Variants in CLCN5 observed in about 807,000 individuals in gnomAD.
CLCN5 encodes Cl-/H+ antiporter 5.
A neutral mutation model predicts 54.0 loss-of-function variants in CLCN5; 17 were observed. The ratio of observed to expected loss-of-function variants is 0.31; its 90% confidence interval spans 0.22 to 0.47. The LOEUF (loss-of-function observed/expected upper bound fraction) is 0.47, where lower values mean the gene tolerates loss of function less well. Among genes scored for constraint, CLCN5 ranks in the 20% least tolerant of loss-of-function variants. The pLI is 1.00. For missense variants in CLCN5, 448 were observed against 646.7 expected (o/e 0.69, Z 3.33); for synonymous variants, 222 against 233.0 (o/e 0.95, Z 0.43).
chrX:50,084,541 C>A (rs1278438571), intron 9 of CLCN5, among the ~76,000 whole-genome samples: 2 of 110,331 alleles, frequency 1.8e-5, no homozygotes, highest in African/African-American at 6.6e-5. Context: ...GCCATTATAC[C>A]CAGCTGATTT....
rs1467086733 is a variant in CLCN5 at position 49,938,499 on chromosome X, T to C, written c.16+13185T>C. On this transcript the variant is annotated intron_variant, in intron 3 of 14. Coordinates refer to ENST00000376091, the MANE Select transcript of CLCN5 (RefSeq NM_001127898.4). ...AAATAATGCCGCATATCTACAACCA[T>C]CTGATCTTTGACAAACCTGACGAAA... Among the ~76,000 whole-genome samples, 18 of 111,578 alleles carry C rather than the reference T, an allele frequency of 1.6e-4. No homozygotes were observed. In the Admixed American group the frequency reaches 1.7e-3, roughly 11 times the overall value.
chrX:49,971,959 G>C (rs1348642824), intron 3 of CLCN5, among the ~76,000 whole-genome samples: 1 of 111,453 alleles, frequency 9.0e-6, no homozygotes. Context: ...CAATTATTAG[G>C]ACTAATTTTT....
At chrX:50,011,208 T>C (rs1331276977) in intron 3 of CLCN5, among the ~76,000 whole-genome samples, 1 of 111,353 alleles carries the variant, frequency 9.0e-6, no homozygotes, top group Non-Finnish European at 1.9e-5. Flanking sequence ...AGAAGCCTTG[T>C]CTACACTTAA....
chrX:50,041,119 C>T (rs532653389), intron 3 of CLCN5, among the ~76,000 whole-genome samples: 1 of 112,186 alleles, frequency 8.9e-6, no homozygotes, highest in Middle Eastern at 4.6e-3. Flanking sequence ...CTCCTTTTTG[C>T]TGAATATTTA....
intron 3 of CLCN5, 132 bp from the exon 4 acceptor site, chrX:50,042,184 G>A (rs782617769): frequency 3.5e-5 from 11 of 316,940 alleles, no homozygotes; most frequent in African/African-American, 1.9e-4. Flanking sequence ...ATGGATAGTC[G>A]TGATAGTTGC....
chrX:49,996,721 A>G (rs1342938174), intron 3 of CLCN5, among the ~76,000 whole-genome samples: 5 of 112,391 alleles, frequency 4.4e-5, no homozygotes, highest in Admixed American at 2.8e-4. Context: ...TAAGAGGAAC[A>G]ACATTGGTGG....
intron 3 of CLCN5, among the ~76,000 whole-genome samples, chrX:50,040,924 AAACAAC>A (rs781991938): frequency 1.9e-4 from 21 of 112,125 alleles, no homozygotes; most frequent in Non-Finnish European, 3.4e-4. Context: ...TTAACTTTAA[AAACAAC>A]AACAACAACA....
At chrX:50,092,078 A>G in intron 14 of CLCN5, 51 bp from the exon 15 acceptor site, 2 of 966,038 alleles carry the variant, frequency 2.1e-6, no homozygotes, top group Non-Finnish European at 3.0e-6. Context: ...TGGGAATGCT[A>G]TTTTAACTAC....
At chrX:50,047,879 A>G (rs1330677537) in intron 4 of CLCN5, among the ~76,000 whole-genome samples, 1 of 112,134 alleles carries the variant, frequency 8.9e-6, no homozygotes, top group Non-Finnish European at 1.9e-5. Context: ...AGGAGCACAT[A>G]CTATCAATAT....
intron 12 of CLCN5, among the ~76,000 whole-genome samples, chrX:50,089,401 T>G (rs1215452128): frequency 8.9e-6 from 1 of 112,611 alleles, no homozygotes; most frequent in African/African-American, 3.2e-5. Flanking sequence ...GTGAGTTCAC[T>G]CATTTAAAAA....
intron 3 of CLCN5, among the ~76,000 whole-genome samples, chrX:49,952,755 A>G (rs1278878455): frequency 8.9e-6 from 1 of 112,355 alleles, no homozygotes; most frequent in Non-Finnish European, 1.9e-5. Flanking sequence ...ATGTTATTGT[A>G]ATATGTATTT....
intron 3 of CLCN5, among the ~76,000 whole-genome samples, chrX:49,928,534 G>A (rs1212690998): frequency 8.9e-6 from 1 of 111,798 alleles, no homozygotes; most frequent in Non-Finnish European, 1.9e-5. Context: ...CTGGGACCTT[G>A]TTCTGTGGAG....
At chrX:49,973,573 C>T (rs782653093) in intron 3 of CLCN5, among the ~76,000 whole-genome samples, 8 of 105,370 alleles carry the variant, frequency 7.6e-5, no homozygotes, top group South Asian at 4.6e-4. Flanking sequence ...ATATAATTCA[C>T]GTATTATACA....
At chrX:49,950,480 T>G (rs2147288024) in intron 3 of CLCN5, among the ~76,000 whole-genome samples, 1 of 111,513 alleles carries the variant, frequency 9.0e-6, no homozygotes, top group Non-Finnish European at 1.9e-5. Context: ...TATAGTTCTA[T>G]AAGGTAAATA....
chrX:49,953,391 G>A (rs1404109623), intron 3 of CLCN5, among the ~76,000 whole-genome samples: 3 of 111,381 alleles, frequency 2.7e-5, no homozygotes, highest in African/African-American at 9.8e-5. Flanking sequence ...TTGCAATCTT[G>A]ACCACCTGGG....
At chrX:50,082,641 A>G (rs781836680) in intron 9 of CLCN5, among the ~76,000 whole-genome samples, 183 of 111,665 alleles carry the variant, frequency 1.6e-3, no homozygotes, top group Non-Finnish European at 2.9e-3. Flanking sequence ...ATGTTTATCT[A>G]TGGTGAGTGG....
intron 3 of CLCN5, among the ~76,000 whole-genome samples, chrX:50,014,276 C>G (rs1481464420): frequency 9.0e-6 from 1 of 111,515 alleles, no homozygotes; most frequent in African/African-American, 3.3e-5. Context: ...TTCCTCCTCC[C>G]TCTCCTTCCC....
chrX:50,080,209 C>T (rs782725049), intron 7 of CLCN5, among the ~76,000 whole-genome samples: 1 of 111,352 alleles, frequency 9.0e-6, no homozygotes, highest in African/African-American at 3.3e-5. Context: ...CAAGGTTCAG[C>T]CATTCCAAAA....
At chrX:50,066,164 A>T (rs1374395243) in intron 4 of CLCN5, among the ~76,000 whole-genome samples, 3 of 64,082 alleles carry the variant, frequency 4.7e-5, no homozygotes, top group Non-Finnish European at 9.2e-5. Flanking sequence ...AAGTATAATT[A>T]AAAAAAAAAA....
Sources: gnomAD v4.1 joint callset for allele counts (sites outside exome capture counted in the v4.1 genomes callset) on GRCh38, gnomAD v4.1.1 for gene constraint, MANE v1.5 for transcripts, NCBI Gene and HGNC (gene_info 2026-07-23, HGNC 2026-07-21) for gene names.